The following AUTS2 variants were observed in gnomAD, a reference collection of about 807,000 sequenced individuals.
The protein encoded by AUTS2 is autism susceptibility gene 2 protein.
AUTS2 carries 17 observed loss-of-function variants against 112.4 expected under a neutral mutation model. That is an observed-to-expected ratio of 0.15 (90% CI 0.10 to 0.23). The LOEUF is 0.23. Ranked by LOEUF, AUTS2 falls within the 10% of genes least tolerant of loss-of-function variation. AUTS2 has a pLI of 1.00. For synonymous variants in AUTS2, 751 were observed against 702.7 expected, an observed-to-expected ratio of 1.07 and a Z score of -1.09; for missense variants, 1,510 against 1,701.6, an observed-to-expected ratio of 0.89 and a Z score of 1.98.
intron 5 of AUTS2, among the ~76,000 whole-genome samples, chr7:70,520,094 GA>G (rs1444623469): frequency 1.3e-5 from 2 of 152,114 alleles, no homozygotes; most frequent in Non-Finnish European, 2.9e-5. Context: ...TCTGAAGCAT[GA>G]AAGTTTTCTA....
At position 69,838,707 on chromosome 7, in the gene AUTS2, G is replaced by A. The variant is rs115194831; in HGVS notation, c.310-60579G>A. ...TCTTCTTTAAATGGAGATATTACTA[G>A]ATAGCACAACCAAATAAAAAAAGTG... On this transcript the variant is annotated intron_variant, in intron 1 of 18. Coordinates refer to ENST00000342771, the MANE Select transcript of AUTS2 (RefSeq NM_015570.4). Among the ~76,000 whole-genome samples, 279 of 152,258 alleles carry A rather than the reference G, an allele frequency of 1.8e-3. 3 individuals are homozygous for A. The highest frequency in any genetic ancestry group is 6.5e-3 in the African/African-American group (272 of 41,550).
intron 4 of AUTS2, among the ~76,000 whole-genome samples, chr7:70,273,678 C>G (rs908595793): frequency 1.3e-5 from 2 of 151,962 alleles, no homozygotes; most frequent in East Asian, 3.9e-4. Flanking sequence ...TCCAGTACCC[C>G]CTCACCTTCA....
chr7:69,818,871 A>G (rs1790870481), intron 1 of AUTS2, among the ~76,000 whole-genome samples: 1 of 152,202 alleles, frequency 6.6e-6, no homozygotes, highest in South Asian at 2.1e-4. Context: ...TTTATAAGAT[A>G]TTTATCGCCT....
At chr7:69,732,641 C>T (rs1303311698) in intron 1 of AUTS2, among the ~76,000 whole-genome samples, 1 of 151,782 alleles carries the variant, frequency 6.6e-6, no homozygotes, top group Non-Finnish European at 1.5e-5. Flanking sequence ...AAATAAGGCC[C>T]AAATATGAGG....
At chr7:70,436,384 A>G (rs1315362854) in intron 5 of AUTS2, 2 of 152,372 alleles carry the variant, frequency 1.3e-5, no homozygotes, top group South Asian at 2.1e-4. Context: ...CTGTGTATCC[A>G]GATCAACATG....
chr7:70,636,923 G>A (rs1805564806), intron 5 of AUTS2, among the ~76,000 whole-genome samples: 1 of 152,084 alleles, frequency 6.6e-6, no homozygotes, highest in South Asian at 2.1e-4. Flanking sequence ...GATTATAGGC[G>A]TGAGCCACCA....
chr7:70,562,696 A>G (rs1279064105), intron 5 of AUTS2, among the ~76,000 whole-genome samples: 1 of 152,240 alleles, frequency 6.6e-6, no homozygotes, highest in African/African-American at 2.4e-5. Context: ...TAATAGAGGT[A>G]GAGGCTCAGT....
At chr7:70,744,067 A>G (rs1788288739) in intron 6 of AUTS2, among the ~76,000 whole-genome samples, 1 of 151,030 alleles carries the variant, frequency 6.6e-6, no homozygotes, top group Non-Finnish European at 1.5e-5. Context: ...ACATTTTCAT[A>G]TTGTTCTCAC....
intron 2 of AUTS2, among the ~76,000 whole-genome samples, chr7:69,919,545 G>C (rs1454319358): frequency 6.6e-6 from 1 of 152,194 alleles, no homozygotes; most frequent in African/African-American, 2.4e-5. Context: ...GTATTGCACA[G>C]GCTGTATGAA....
intron 5 of AUTS2, among the ~76,000 whole-genome samples, chr7:70,671,947 C>T (rs1807666311): frequency 6.6e-6 from 1 of 152,072 alleles, no homozygotes; most frequent in South Asian, 2.1e-4. Flanking sequence ...AGGACCAGAA[C>T]GAAAGCCGTG....
intron 4 of AUTS2, among the ~76,000 whole-genome samples, chr7:70,265,145 A>G (rs1259101916): frequency 6.6e-6 from 1 of 152,208 alleles, no homozygotes; most frequent in Non-Finnish European, 1.5e-5. Context: ...GTTTATATCT[A>G]CAAACACAAG....
At chr7:69,787,817 C>G (rs571185373) in intron 1 of AUTS2, among the ~76,000 whole-genome samples, 1 of 151,850 alleles carries the variant, frequency 6.6e-6, no homozygotes, top group Non-Finnish European at 1.5e-5. Context: ...TCAGGTGATC[C>G]GCCCACCTTG....
chr7:70,486,966 C>T (rs1429786581), intron 5 of AUTS2, among the ~76,000 whole-genome samples: 1 of 142,470 alleles, frequency 7.0e-6, no homozygotes, highest in Non-Finnish European at 1.5e-5. Context: ...CAGAGCTTTT[C>T]TAGGCCCCAC....
At chr7:70,217,533 C>T (rs950468014) in intron 4 of AUTS2, among the ~76,000 whole-genome samples, 2 of 152,148 alleles carry the variant, frequency 1.3e-5, no homozygotes, top group Non-Finnish European at 2.9e-5. Context: ...GACTAAAAAA[C>T]GAAAGCCTTT....
At chr7:70,277,585 A>G (rs1026314946) in intron 4 of AUTS2, among the ~76,000 whole-genome samples, 28 of 152,302 alleles carry the variant, frequency 1.8e-4, no homozygotes, top group African/African-American at 5.5e-4. Context: ...TGAGGCATGC[A>G]AGAGTGCTTT....
At chr7:69,803,082 T>C (rs759633443) in intron 1 of AUTS2, among the ~76,000 whole-genome samples, 11 of 152,210 alleles carry the variant, frequency 7.2e-5, no homozygotes, top group African/African-American at 1.7e-4. Context: ...AAACCCAAGT[T>C]CAGCTGTTGT....
intron 1 of AUTS2, among the ~76,000 whole-genome samples, chr7:69,887,366 A>T (rs981941506): frequency 6.7e-6 from 1 of 148,312 alleles, no homozygotes; most frequent in Non-Finnish European, 1.5e-5. Flanking sequence ...CAGTGAGCTG[A>T]GATTGTGCCA....
chr7:70,632,312 G>A (rs897053973), intron 5 of AUTS2, among the ~76,000 whole-genome samples: 1 of 152,166 alleles, frequency 6.6e-6, no homozygotes, highest in Non-Finnish European at 1.5e-5. Flanking sequence ...GCAGCCGGGG[G>A]ATTCGGTTTC....
At chr7:69,858,748 T>A (rs575936044) in intron 1 of AUTS2, among the ~76,000 whole-genome samples, 6 of 152,014 alleles carry the variant, frequency 3.9e-5, no homozygotes, top group Middle Eastern at 3.2e-3. Context: ...CAACTGGGGG[T>A]CAGCCCTGGA....
Sources: gnomAD v4.1 joint callset for allele counts (sites outside exome capture counted in the v4.1 genomes callset) on GRCh38, gnomAD v4.1.1 for gene constraint, MANE v1.5 for transcripts, NCBI Gene and HGNC (gene_info 2026-07-23, HGNC 2026-07-21) for gene names.